The following NBAS variants were observed in gnomAD, a reference collection of about 807,000 sequenced individuals.
NBAS encodes the protein NAG/BC035112 fusion.
A neutral mutation model predicts 302.5 loss-of-function variants in NBAS; 219 were observed. That is an observed-to-expected ratio of 0.72 (90% CI 0.65 to 0.81). NBAS has a LOEUF of 0.81. NBAS is among the 30% of genes least tolerant of loss of function. NBAS has a pLI of 0.00. For missense variants in NBAS, 2,932 were observed against 2,841.6 expected (o/e 1.03, Z -0.72); for synonymous variants, 1,118 against 1,021.6 (o/e 1.09, Z -1.80).
At chr2:15,257,693 C>T (rs987681046) in intron 44 of NBAS, among the ~76,000 whole-genome samples, 1 of 152,104 alleles carries the variant, frequency 6.6e-6, no homozygotes, top group Non-Finnish European at 1.5e-5. Context: ...GCTTTCAACA[C>T]AATTTATGAA....
intron 51 of NBAS, among the ~76,000 whole-genome samples, chr2:15,174,511 C>A (rs1237796461): frequency 4.6e-5 from 7 of 152,148 alleles, no homozygotes; most frequent in Non-Finnish European, 2.9e-5. Flanking sequence ...CCCAGAGCCC[C>A]CTGCAGTGTT....
At chr2:15,281,598 C>T (rs1444403640) in intron 42 of NBAS, among the ~76,000 whole-genome samples, 1 of 152,092 alleles carries the variant, frequency 6.6e-6, no homozygotes, top group Non-Finnish European at 1.5e-5. Flanking sequence ...TCTTCAATCT[C>T]ACAGCAGTTC....
the NBAS span, among the ~76,000 whole-genome samples, chr2:14,780,738 T>G: frequency 5.5e-4 from 84 of 152,352 alleles, 1 homozygote; most frequent in African/African-American, 1.7e-3. Context: ...AACCTTTTTT[T>G]GGGGCAGTAC....
At chr2:15,030,050 TTCAGTC>T in the NBAS span, among the ~76,000 whole-genome samples, 1 of 152,186 alleles carries the variant, frequency 6.6e-6, no homozygotes, top group East Asian at 1.9e-4. Flanking sequence ...GGAAAAAAAA[TTCAGTC>T]TCACAGCCTC....
rs546998197 is a variant in NBAS, at chr2:15,398,157, T to G, written c.3072-1682A>C. Among the ~76,000 whole-genome samples, 41 of 149,604 alleles carry G rather than the reference T, an allele frequency of 2.7e-4. No homozygotes were observed. The South Asian group carries it at 6.4e-3, about 23-fold the overall frequency. On this transcript the variant is annotated intron_variant, in intron 26 of 51. Coordinates refer to ENST00000281513, the MANE Select transcript of NBAS (RefSeq NM_015909.4). ...TGTTTTGTTTTGTTTGGTTTGGTTT[T>G]GTTTGAGACAGGGTTTTGCTCTGTC...
At chr2:15,427,148 T>C (rs1212377131) in intron 22 of NBAS, among the ~76,000 whole-genome samples, 2 of 151,538 alleles carry the variant, frequency 1.3e-5, no homozygotes, top group Non-Finnish European at 2.9e-5. Flanking sequence ...AATGCATGAG[T>C]CAAAAAAAGC....
At chr2:15,495,228 A>G (rs1035008818) in intron 11 of NBAS, among the ~76,000 whole-genome samples, 4 of 152,202 alleles carry the variant, frequency 2.6e-5, no homozygotes, top group African/African-American at 9.6e-5. Flanking sequence ...CCACTTGTAC[A>G]GGGGAAGTCC....
At chr2:15,438,688 G>A (rs556314687) in intron 21 of NBAS, among the ~76,000 whole-genome samples, 4 of 152,322 alleles carry the variant, frequency 2.6e-5, no homozygotes, top group Admixed American at 1.3e-4. Context: ...CTTCTGGGCT[G>A]CAGAGACAGA....
chr2:15,455,683 G>A (rs963392525), intron 21 of NBAS, among the ~76,000 whole-genome samples: 19 of 151,360 alleles, frequency 1.3e-4, no homozygotes, highest in African/African-American at 4.1e-4. Flanking sequence ...TGAAGTAAGT[G>A]CTATGAGCAT....
chr2:15,494,265 C>A (rs1163914007), intron 11 of NBAS, among the ~76,000 whole-genome samples: 2 of 152,220 alleles, frequency 1.3e-5, no homozygotes, highest in Non-Finnish European at 2.9e-5. Flanking sequence ...GGCTCTGCCA[C>A]TAGTAGTTAT....
Position 15,533,679 on chromosome 2 carries a change from C to CGTGTGTGTGTGTGTGTGT in NBAS, c.746+846_746+863dup, listed in dbSNP as rs59222907. On this transcript the variant is annotated intron_variant, in intron 9 of 51. Transcript: ENST00000281513. ...CACAAGGAGGACTTCGGGGGGTGTG[C>CGTGTGTGTGTGTGTGTGT]GTGTGTGTGTGTGTGTGTGTGTGTG... Among the ~76,000 whole-genome samples, 127 of 144,020 alleles carry CGTGTGTGTGTGTGTGTGT rather than the reference C, an allele frequency of 8.8e-4. 1 individual carries two copies. The highest frequency in any genetic ancestry group is 3.5e-3 in the Middle Eastern group (1 of 284). 94.5% of individuals were successfully genotyped at this position (144,020 alleles called of 152,430 possible).
chr2:15,402,549 T>C (rs560557847), intron 25 of NBAS, among the ~76,000 whole-genome samples: 4 of 152,280 alleles, frequency 2.6e-5, no homozygotes, highest in South Asian at 4.1e-4. Flanking sequence ...AACAGATTCT[T>C]CAATTTATGA....
chr2:15,498,451 G>A (rs1269646465), intron 11 of NBAS, among the ~76,000 whole-genome samples: 1 of 152,214 alleles, frequency 6.6e-6, no homozygotes, highest in Non-Finnish European at 1.5e-5. Context: ...TGGCGAGGTT[G>A]TGGAGAAAAA....
the NBAS span, among the ~76,000 whole-genome samples, chr2:14,972,742 A>C: frequency 6.6e-6 from 1 of 152,222 alleles, no homozygotes; most frequent in Non-Finnish European, 1.5e-5. Context: ...GCCTTCAAAC[A>C]AGAGAGACAG....
chr2:15,281,825 A>C (rs566761996), intron 42 of NBAS, among the ~76,000 whole-genome samples: 1 of 152,320 alleles, frequency 6.6e-6, no homozygotes, highest in African/African-American at 2.4e-5. Flanking sequence ...GGCGTTTCTG[A>C]CTATTTGGAG....
the NBAS span, among the ~76,000 whole-genome samples, chr2:15,088,314 G>C: frequency 2.0e-5 from 3 of 152,184 alleles, no homozygotes; most frequent in African/African-American, 4.8e-5. Flanking sequence ...TGTCATAGGA[G>C]CTGTGTTTTA....
chr2:15,373,465 G>A (rs1315301641), intron 31 of NBAS, among the ~76,000 whole-genome samples: 1 of 152,060 alleles, frequency 6.6e-6, no homozygotes, highest in Admixed American at 6.6e-5. Flanking sequence ...TGAGTAGCTG[G>A]GACTACATAC....
chr2:15,487,403 C>A (rs1339050744), intron 12 of NBAS, among the ~76,000 whole-genome samples: 2 of 152,146 alleles, frequency 1.3e-5, no homozygotes, highest in Non-Finnish European at 2.9e-5. Flanking sequence ...AATCTACATG[C>A]ACTCAAGCCC....
chr2:14,811,761 A>AACCAGGT, the NBAS span, among the ~76,000 whole-genome samples: 2 of 152,222 alleles, frequency 1.3e-5, no homozygotes, highest in African/African-American at 2.4e-5. Context: ...AGGAACCAGG[A>AACCAGGT]ACCAGGAATC....
Sources: allele counts gnomAD v4.1 joint callset (sites outside exome capture counted in the v4.1 genomes callset), GRCh38; gene constraint gnomAD v4.1.1; transcripts MANE v1.5; gene names NCBI Gene and HGNC (gene_info 2026-07-23, HGNC 2026-07-21).